The following SYN3 variants were observed in gnomAD, a reference collection of about 807,000 sequenced individuals.
The protein encoded by SYN3 is synapsin-3.
Under a neutral mutation model 65.8 loss-of-function variants are expected in SYN3, and 35 were observed. The ratio of observed to expected loss-of-function variants is 0.53; its 90% confidence interval spans 0.41 to 0.70. The LOEUF is 0.70. SYN3 is among the 30% of genes least tolerant of loss of function. The probability of loss-of-function intolerance (pLI) is 0.00; values close to 1 mark genes in which losing one functional copy is unlikely to be tolerated. For missense variants in SYN3, 680 were observed against 749.0 expected, an observed-to-expected ratio of 0.91 and a Z score of 1.08; for synonymous variants, 270 against 292.9, an observed-to-expected ratio of 0.92 and a Z score of 0.80.
chr22:32,521,551 A>C (rs1362842492), intron 12 of SYN3, among the ~76,000 whole-genome samples: 1 of 148,444 alleles, frequency 6.7e-6, no homozygotes, highest in Non-Finnish European at 1.5e-5. Context: ...GGGTTAAGAG[A>C]TTCTCCTGCC....
At chr22:32,838,679 T>C (rs1357143204) in intron 6 of SYN3, among the ~76,000 whole-genome samples, 1 of 152,042 alleles carries the variant, frequency 6.6e-6, no homozygotes, top group Non-Finnish European at 1.5e-5. Context: ...TTTTTACTTG[T>C]CCCTTCCTTT....
chr22:32,774,686 C>T (rs2063200840), intron 6 of SYN3, among the ~76,000 whole-genome samples: 1 of 152,146 alleles, frequency 6.6e-6, no homozygotes, highest in Non-Finnish European at 1.5e-5. Flanking sequence ...GCTCCGCCTC[C>T]GGGGTTCAAG....
chr22:32,608,949 CT>C (rs1464507393), intron 6 of SYN3, among the ~76,000 whole-genome samples: 4 of 152,100 alleles, frequency 2.6e-5, no homozygotes, highest in Admixed American at 6.5e-5. Flanking sequence ...AGCCATTGCT[CT>C]TTTTTTCTTC....
chr22:32,839,255 AG>A (rs1295464246), intron 6 of SYN3, among the ~76,000 whole-genome samples: 1 of 151,840 alleles, frequency 6.6e-6, no homozygotes, highest in Non-Finnish European at 1.5e-5. Context: ...AACCCAAGGG[AG>A]GTGTAGGTGA....
At chr22:32,706,360 A>G (rs1337901085) in intron 6 of SYN3, among the ~76,000 whole-genome samples, 1 of 152,270 alleles carries the variant, frequency 6.6e-6, no homozygotes, top group African/African-American at 2.4e-5. Flanking sequence ...CAAGAATGAC[A>G]GCAGACTTCT....
intron 6 of SYN3, among the ~76,000 whole-genome samples, chr22:32,818,290 GACGGGC>G (rs2146039686): frequency 6.6e-6 from 1 of 152,310 alleles, no homozygotes; most frequent in African/African-American, 2.4e-5. Flanking sequence ...GCAAAGCAAG[GACGGGC>G]ACATCCAGCC....
chr22:32,647,817 C>T (rs767404904), intron 6 of SYN3, among the ~76,000 whole-genome samples: 1 of 152,136 alleles, frequency 6.6e-6, no homozygotes, highest in African/African-American at 2.4e-5. Context: ...TCATATTGGC[C>T]AGGCTGGTCT....
chr22:32,992,458 A>G (rs1020520068), intron 2 of SYN3, among the ~76,000 whole-genome samples: 13 of 152,126 alleles, frequency 8.5e-5, no homozygotes, highest in Non-Finnish European at 1.8e-4. Context: ...ACCAGGTGGG[A>G]GCGTCATGAA....
intron 3 of SYN3, among the ~76,000 whole-genome samples, chr22:32,940,234 TC>T (rs2050896539): frequency 6.6e-6 from 1 of 152,226 alleles, no homozygotes; most frequent in East Asian, 1.9e-4. Context: ...TATAAAGGTA[TC>T]TCAAAATATA....
rs2057648463 is a variant in SYN3, at chr22:32,507,926, TC to T, written c.*5765del. On this transcript the variant is annotated 3_prime_UTR_variant, in exon 14 of 14. Coordinates refer to ENST00000358763, the MANE Select transcript of SYN3 (RefSeq NM_003490.4). ...CAGCTTAATCTCTCCCACTCTAGGT[TC>T]CCACGCCGCCCCTAATCCCACTCGA... 6.6e-6 allele frequency among the ~76,000 whole-genome samples: 1 copy of T among 151,980 alleles called. No homozygotes were observed. Among genetic ancestry groups the T allele is most frequent in the African/African-American group, 2.4e-5 (1 of 41,310 alleles).
At chr22:32,646,145 G>C (rs898812465) in intron 6 of SYN3, among the ~76,000 whole-genome samples, 1 of 152,158 alleles carries the variant, frequency 6.6e-6, no homozygotes, top group Non-Finnish European at 1.5e-5. Context: ...CGTGCATCCA[G>C]GAAGAGCACA....
intron 3 of SYN3, among the ~76,000 whole-genome samples, chr22:32,945,577 C>T (rs1601754160): frequency 6.6e-6 from 1 of 152,286 alleles, no homozygotes; most frequent in East Asian, 1.9e-4. Flanking sequence ...AGACCTAAAA[C>T]CATAAAAACC....
intron 6 of SYN3, among the ~76,000 whole-genome samples, chr22:32,730,778 C>T (rs541860541): frequency 1.3e-5 from 2 of 152,254 alleles, no homozygotes; most frequent in African/African-American, 4.8e-5. Flanking sequence ...CAAAGCCTTC[C>T]GTGTCTTACC....
chr22:32,920,134 G>A (rs535207117), intron 4 of SYN3, among the ~76,000 whole-genome samples: 4 of 152,272 alleles, frequency 2.6e-5, no homozygotes, highest in African/African-American at 4.8e-5. Flanking sequence ...TCTAATGAGC[G>A]GATGCACATT....
intron 7 of SYN3, among the ~76,000 whole-genome samples, chr22:32,569,828 G>T (rs995736561): frequency 6.6e-6 from 1 of 152,160 alleles, no homozygotes; most frequent in Non-Finnish European, 1.5e-5. Flanking sequence ...AGATTTAGAA[G>T]TAAACTGGCC....
chr22:32,708,208 G>A (rs999708295), intron 6 of SYN3, among the ~76,000 whole-genome samples: 1 of 152,180 alleles, frequency 6.6e-6, no homozygotes, highest in Non-Finnish European at 1.5e-5. Context: ...GGGCTGTCAC[G>A]GCAGTCTACA....
At chr22:32,914,378 C>T (rs2050134406) in intron 4 of SYN3, among the ~76,000 whole-genome samples, 1 of 151,932 alleles carries the variant, frequency 6.6e-6, no homozygotes, top group African/African-American at 2.4e-5. Context: ...TATTTGGCTA[C>T]TCTGTGACTC....
chr22:33,051,475 C>T (rs2054164168), intron 1 of SYN3, among the ~76,000 whole-genome samples: 1 of 152,060 alleles, frequency 6.6e-6, no homozygotes, highest in Non-Finnish European at 1.5e-5. Context: ...CAGTTTACAT[C>T]TTGAGGCACA....
intron 3 of SYN3, among the ~76,000 whole-genome samples, chr22:32,932,338 C>T (rs1483594914): frequency 3.3e-5 from 5 of 151,630 alleles, no homozygotes. Flanking sequence ...CATTGACATA[C>T]TGCCCTTTTG....
Sources: allele counts gnomAD v4.1 joint callset (sites outside exome capture counted in the v4.1 genomes callset), GRCh38; gene constraint gnomAD v4.1.1; transcripts MANE v1.5; gene names NCBI Gene and HGNC (gene_info 2026-07-23, HGNC 2026-07-21).